The following CSMD1 variants were observed in gnomAD, a reference collection of about 807,000 sequenced individuals.
CSMD1 encodes the protein CUB and Sushi multiple domains 1.
In CSMD1, 213 loss-of-function variants were observed where a neutral mutation model predicts 417.5. The observed-to-expected ratio is 0.51, with a 90% CI of 0.46 to 0.57. The LOEUF is 0.57. Ranked by LOEUF, CSMD1 falls within the 20% of genes least tolerant of loss-of-function variation. The probability of loss-of-function intolerance (pLI) is 0.00; values close to 1 mark genes in which losing one functional copy is unlikely to be tolerated. For missense variants in CSMD1, 6,923 were observed against 4,529.7 expected, an observed-to-expected ratio of 1.53 and a Z score of -15.17; for synonymous variants, 2,862 against 1,736.8, an observed-to-expected ratio of 1.65 and a Z score of -16.11.
rs188721573 is a variant in CSMD1 at position 3,670,751 on chromosome 8, G to A, written c.1009+37663C>T. Among the ~76,000 whole-genome samples, 476 of 150,062 alleles carry A rather than the reference G, an allele frequency of 3.2e-3. 2 individuals are homozygous for A. The highest frequency in any genetic ancestry group is 0.011 in the African/African-American group (432 of 40,966). On this transcript the variant is annotated intron_variant, in intron 7 of 69. Coordinates refer to ENST00000635120, the MANE Select transcript of CSMD1 (RefSeq NM_033225.6). ...ACATGTATGGGATGTATGTATATGG[G>A]ATATATATGTATGGGATATATAAGT... is the stretch of plus-strand genomic sequence containing the variant.
At chr8:3,925,108 C>T (rs1254663846) in intron 5 of CSMD1, among the ~76,000 whole-genome samples, 1 of 152,136 alleles carries the variant, frequency 6.6e-6, no homozygotes, top group Non-Finnish European at 1.5e-5. Flanking sequence ...TCTTACCAGT[C>T]AGTAAAGAGA....
intron 6 of CSMD1, among the ~76,000 whole-genome samples, chr8:3,737,447 G>T (rs188891455): frequency 3.3e-5 from 5 of 152,280 alleles, no homozygotes; most frequent in African/African-American, 1.2e-4. Flanking sequence ...TAAAGTTACA[G>T]AAAAATTAAT....
At position 4,737,611 on chromosome 8, in the gene CSMD1, C is replaced by T. The variant is rs150051420; in HGVS notation, c.86-100053G>A. Among the ~76,000 whole-genome samples the T allele has an allele frequency of 2.0e-5, 3 of 152,102 alleles. No homozygotes were observed. The East Asian group carries it at 5.8e-4, about 29-fold the overall frequency. The stretch of plus-strand genomic sequence containing the variant: ...TTCTTCATCTCTATCTTTATACTAG[C>T]ACTATATTTTACACATTTTTTACCA... On this transcript the variant is annotated intron_variant, in intron 1 of 69. Coordinates refer to ENST00000635120, the MANE Select transcript of CSMD1 (RefSeq NM_033225.6).
chr8:3,881,257 T>C (rs559923910), intron 5 of CSMD1, among the ~76,000 whole-genome samples: 21 of 21,740 alleles, frequency 9.7e-4, no homozygotes, highest in Admixed American at 9.5e-3. Flanking sequence ...TGTTTCTTTG[T>C]TTTTTGCTTT....
At chr8:3,303,263 C>G (rs763369693) in intron 25 of CSMD1, among the ~76,000 whole-genome samples, 7 of 128,104 alleles carry the variant, frequency 5.5e-5, no homozygotes, top group Admixed American at 3.8e-4. Flanking sequence ...ATAGTTTTCT[C>G]TTAAGTGTAT....
At chr8:3,481,149 C>A (rs1817721278) in intron 11 of CSMD1, among the ~76,000 whole-genome samples, 2 of 100,784 alleles carry the variant, frequency 2.0e-5, no homozygotes, top group East Asian at 3.6e-4. Flanking sequence ...AGCGAGACTC[C>A]ATCTCAAAAA....
intron 1 of CSMD1, among the ~76,000 whole-genome samples, chr8:4,719,900 G>A (rs958182525): frequency 7.9e-5 from 12 of 151,782 alleles, no homozygotes; most frequent in East Asian, 1.9e-4. Context: ...ATCTATATTC[G>A]ACCTCACTTT....
intron 2 of CSMD1, among the ~76,000 whole-genome samples, chr8:4,546,894 G>A (rs944675091): frequency 6.6e-6 from 1 of 151,628 alleles, no homozygotes; most frequent in African/African-American, 2.4e-5. Context: ...GTCTCTCTCT[G>A]GAGATCCCTA....
intron 3 of CSMD1, among the ~76,000 whole-genome samples, chr8:4,055,330 T>C (rs1040034954): frequency 7.9e-5 from 12 of 152,164 alleles, no homozygotes; most frequent in African/African-American, 2.7e-4. Context: ...AATAAATTTT[T>C]ATAGATTACA....
chr8:4,060,422 T>C (rs577237922), intron 3 of CSMD1, among the ~76,000 whole-genome samples: 13 of 152,268 alleles, frequency 8.5e-5, no homozygotes, highest in East Asian at 3.9e-4. Flanking sequence ...CTATTCAACA[T>C]AGTGTTGGAA....
intron 8 of CSMD1, among the ~76,000 whole-genome samples, chr8:3,595,118 T>C (rs1039180437): frequency 6.6e-6 from 1 of 152,186 alleles, no homozygotes; most frequent in African/African-American, 2.4e-5. Context: ...AAGGGAGTTT[T>C]TACACTACTC....
chr8:4,041,545 A>G (rs1046732483), intron 3 of CSMD1, among the ~76,000 whole-genome samples: 22 of 152,208 alleles, frequency 1.4e-4, no homozygotes, highest in African/African-American at 3.4e-4. Context: ...TGGGAATACA[A>G]AAATATTCAG....
At chr8:4,427,471 G>A (rs891490711) in intron 2 of CSMD1, among the ~76,000 whole-genome samples, 28 of 138,592 alleles carry the variant, frequency 2.0e-4, no homozygotes, top group Admixed American at 7.6e-5. Flanking sequence ...GCAAAGTTCA[G>A]AAGAGACTTA....
In CSMD1 at chr8:3,802,841, T is replaced by C. The variant is rs143609156; in HGVS notation, c.819-48799A>G. ...TTCTCCATCAAGTGAAGGGCACTTT[T>C]AAGCATCCGCACTGGCCCTTAGATG... On this transcript the variant is annotated intron_variant, in intron 5 of 69. Coordinates refer to ENST00000635120, the MANE Select transcript of CSMD1 (RefSeq NM_033225.6). Among the ~76,000 whole-genome samples, 79 of 152,310 alleles carry C rather than the reference T, an allele frequency of 5.2e-4. 2 individuals carry two copies. The East Asian group carries it at 0.015, about 29-fold the overall frequency.
At chr8:3,332,756 ACT>A (rs1320145604) in intron 23 of CSMD1, among the ~76,000 whole-genome samples, 2 of 152,118 alleles carry the variant, frequency 1.3e-5, no homozygotes, top group Non-Finnish European at 2.9e-5. Context: ...TAAATAGGAA[ACT>A]CTGACGGGCA....
At chr8:4,614,061 T>C (rs1332201530) in intron 2 of CSMD1, among the ~76,000 whole-genome samples, 1 of 152,072 alleles carries the variant, frequency 6.6e-6, no homozygotes, top group Non-Finnish European at 1.5e-5. Flanking sequence ...ATAAGCAATA[T>C]AGAGCCAAGA....
At chr8:3,773,908 G>T (rs774156335) in intron 5 of CSMD1, among the ~76,000 whole-genome samples, 23 of 152,258 alleles carry the variant, frequency 1.5e-4, no homozygotes, top group African/African-American at 5.3e-4. Flanking sequence ...ACAAACTGGG[G>T]ACCTGTGAGG....
chr8:3,605,987 G>A (rs915724486), intron 8 of CSMD1, among the ~76,000 whole-genome samples: 7 of 152,066 alleles, frequency 4.6e-5, no homozygotes, highest in Admixed American at 1.3e-4. Context: ...TGTGGGGTCC[G>A]GTCATATAAA....
At chr8:4,211,042 AAC>A (rs904224428) in intron 3 of CSMD1, among the ~76,000 whole-genome samples, 88 of 152,190 alleles carry the variant, frequency 5.8e-4, no homozygotes, top group Admixed American at 5.8e-3. Context: ...TTAAAATACA[AAC>A]ACATTTCCTT....
Sources: gnomAD v4.1 joint callset for allele counts (sites outside exome capture counted in the v4.1 genomes callset) on GRCh38, gnomAD v4.1.1 for gene constraint, MANE v1.5 for transcripts, NCBI Gene and HGNC (gene_info 2026-07-23, HGNC 2026-07-21) for gene names.